ALK: variants seen among roughly 807,000 people sequenced by gnomAD.
ALK encodes ALK tyrosine kinase receptor.
Under a neutral mutation model 163.1 loss-of-function variants are expected in ALK, and 74 were observed. The observed-to-expected ratio is 0.45, with a 90% CI of 0.38 to 0.55. ALK has a LOEUF of 0.55. Ranked by LOEUF, ALK falls within the 20% of genes least tolerant of loss-of-function variation. ALK has a pLI of 0.00. For synonymous variants in ALK, 960 were observed against 843.2 expected (o/e 1.14, Z -2.40); for missense variants, 2,063 against 2,105.3 (o/e 0.98, Z 0.39).
intron 3 of ALK, among the ~76,000 whole-genome samples, chr2:29,679,444 TTTTC>T (rs571697841): frequency 6.6e-6 from 1 of 151,786 alleles, no homozygotes; most frequent in Non-Finnish European, 1.5e-5. Context: ...CTTCCTTGCT[TTTTC>T]TTTCTTTCTT....
chr2:29,196,279 T>C (rs1186288573), intron 28 of ALK, among the ~76,000 whole-genome samples: 1 of 152,254 alleles, frequency 6.6e-6, no homozygotes, highest in Admixed American at 6.5e-5. Context: ...GCAAGTATTA[T>C]TGATGATGTT....
chr2:29,568,970 G>A (rs1674274886), intron 3 of ALK, among the ~76,000 whole-genome samples: 1 of 152,114 alleles, frequency 6.6e-6, no homozygotes, highest in Non-Finnish European at 1.5e-5. Context: ...TACCTTGGGT[G>A]GGACAGGGCG....
chr2:29,595,639 T>A (rs996739251), intron 3 of ALK, among the ~76,000 whole-genome samples: 2 of 152,156 alleles, frequency 1.3e-5, no homozygotes, highest in African/African-American at 4.8e-5. Context: ...GAGTTTGAGA[T>A]TGATCTGTGA....
chr2:29,715,815 A>C (rs558658175), intron 2 of ALK, among the ~76,000 whole-genome samples: 1 of 152,314 alleles, frequency 6.6e-6, no homozygotes, highest in East Asian at 1.9e-4. Flanking sequence ...ATAAGATGAC[A>C]CTCAGTGTCT....
chr2:29,212,424 G>A (rs1330560293), intron 24 of ALK, among the ~76,000 whole-genome samples: 1 of 152,174 alleles, frequency 6.6e-6, no homozygotes, highest in East Asian at 1.9e-4. Flanking sequence ...ACTCTTAGAA[G>A]GAGCAGATGG....
intron 9 of ALK, among the ~76,000 whole-genome samples, chr2:29,288,451 T>A (rs1665919164): frequency 6.6e-6 from 1 of 152,168 alleles, no homozygotes; most frequent in South Asian, 2.1e-4. Context: ...CTTAACTGCA[T>A]GGCTGGGCCC....
chr2:29,384,865 A>G (rs994665164), intron 4 of ALK, among the ~76,000 whole-genome samples: 2 of 152,166 alleles, frequency 1.3e-5, no homozygotes, highest in African/African-American at 4.8e-5. Flanking sequence ...ATCCTGCCCA[A>G]CATGGTGAAA....
At chr2:29,797,000 C>CCACACACACA (rs34846199) in intron 1 of ALK, among the ~76,000 whole-genome samples, 1 of 144,604 alleles carries the variant, frequency 6.9e-6, no homozygotes, top group Non-Finnish European at 1.5e-5. Context: ...GCACGCACAC[C>CCACACACACA]CACACACACA....
intron 1 of ALK, among the ~76,000 whole-genome samples, chr2:29,788,433 G>A (rs371695096): frequency 1.8e-4 from 28 of 152,316 alleles, no homozygotes; most frequent in African/African-American, 6.3e-4. Context: ...AGCAACAGTT[G>A]CTTTCTTTCC....
At chr2:29,623,285 G>A (rs1487626805) in intron 3 of ALK, among the ~76,000 whole-genome samples, 6 of 152,136 alleles carry the variant, frequency 3.9e-5, no homozygotes, top group African/African-American at 1.4e-4. Context: ...ACTTAAAATA[G>A]AAATGCCTAG....
At chr2:29,317,794 A>G (rs1265185114) in intron 8 of ALK, among the ~76,000 whole-genome samples, 1 of 127,336 alleles carries the variant, frequency 7.9e-6, no homozygotes, top group Non-Finnish European at 1.7e-5. Context: ...ACTGTATGCT[A>G]AGGAACAGGG....
At chr2:29,417,856 A>G (rs1669918011) in intron 4 of ALK, among the ~76,000 whole-genome samples, 3 of 152,366 alleles carry the variant, frequency 2.0e-5, no homozygotes, top group Non-Finnish European at 4.4e-5. Context: ...GTATTGTAGC[A>G]TAACAGCATG....
chr2:29,643,661 C>T (rs577735396), intron 3 of ALK, among the ~76,000 whole-genome samples: 1 of 152,162 alleles, frequency 6.6e-6, no homozygotes, highest in South Asian at 2.1e-4. Context: ...TAACTTAGAC[C>T]CTCTTTCCTG....
chr2:29,761,147 A>G (rs1680690055), intron 1 of ALK, among the ~76,000 whole-genome samples: 1 of 152,142 alleles, frequency 6.6e-6, no homozygotes, highest in Non-Finnish European at 1.5e-5. Flanking sequence ...GTAGCCCCCT[A>G]CTCACTAACA....
chr2:29,489,050 G>A (rs1024449214), intron 4 of ALK, among the ~76,000 whole-genome samples: 5 of 152,268 alleles, frequency 3.3e-5, no homozygotes, highest in Middle Eastern at 6.8e-3. Flanking sequence ...ATCAGAATTA[G>A]TGATGAACGA....
intron 5 of ALK, among the ~76,000 whole-genome samples, chr2:29,347,510 C>A (rs935007697): frequency 8.5e-5 from 13 of 152,304 alleles, no homozygotes; most frequent in African/African-American, 3.1e-4. Flanking sequence ...CCGTTGAGAC[C>A]TTGGTCTCTT....
At chr2:29,848,855 C>T (rs1039120953) in intron 1 of ALK, among the ~76,000 whole-genome samples, 12 of 152,260 alleles carry the variant, frequency 7.9e-5, no homozygotes, top group Non-Finnish European at 1.5e-4. Context: ...TGCAGAGATG[C>T]GGCCACGAGG....
intron 4 of ALK, among the ~76,000 whole-genome samples, chr2:29,524,325 C>T (rs548392648): frequency 6.6e-6 from 1 of 152,330 alleles, no homozygotes; most frequent in Admixed American, 6.5e-5. Flanking sequence ...CAGAGGAGTC[C>T]TCCTGAGAAG....
chr2:29,377,039 T>C (rs1322829009), intron 5 of ALK, among the ~76,000 whole-genome samples: 4 of 152,224 alleles, frequency 2.6e-5, no homozygotes, highest in African/African-American at 9.6e-5. Flanking sequence ...GAACTTGCCT[T>C]GTGAAAATGG....
Sources: allele counts gnomAD v4.1 joint callset (sites outside exome capture counted in the v4.1 genomes callset), GRCh38; gene constraint gnomAD v4.1.1; transcripts MANE v1.5; gene names NCBI Gene and HGNC (gene_info 2026-07-23, HGNC 2026-07-21).